KLHL36: variants seen among roughly 807,000 people sequenced by gnomAD.
KLHL36 encodes kelch like family member 36, also known as kelch-like protein 36.
Under a neutral mutation model 53.3 loss-of-function variants are expected in KLHL36, and 35 were observed. The ratio of observed to expected loss-of-function variants is 0.66; its 90% CI spans 0.50 to 0.87. The LOEUF (loss-of-function observed/expected upper bound fraction) is 0.87. Among genes scored for constraint, KLHL36 ranks in the 40% least tolerant of loss-of-function variants. KLHL36 has a pLI of 0.00. For missense variants in KLHL36, 864 were observed against 897.6 expected, an observed-to-expected ratio of 0.96 and a Z score of 0.48; for synonymous variants, 472 against 398.9, an observed-to-expected ratio of 1.18 and a Z score of -2.18.
rs776702092 is a variant in KLHL36, at chr16:84,659,855, C to G, written c.1233C>G (p.Leu411=). ...GCGGCCGGAATGAGAACGGAGCGCTCTCTTCAGTAGAGACGTACAGTCCCA... is the reference window on the plus strand; with the variant it reads ...GCGGCCGGAATGAGAACGGAGCGCTGTCTTCAGTAGAGACGTACAGTCCCA... The part of the protein sequence containing the change: ...AIGGRNENGA[L]SSVETYSPKT... The change falls in exon 4 of 5, where the codon CTC becomes CTG. Residue 411 remains leucine, a synonymous_variant. Coordinates refer to ENST00000564996, the MANE Select transcript of KLHL36 (RefSeq NM_024731.4). The G allele has an allele frequency of 4.3e-6, 7 of 1,614,178 alleles. No homozygotes were observed. The highest frequency in any genetic ancestry group is 1.7e-5 in the Admixed American group (1 of 60,032).
In KLHL36 at chr16:84,661,663, A is replaced by G; in HGVS notation, c.1381A>G (p.Lys461Glu). 6.2e-7 allele frequency: 1 copy of G among 1,613,486 alleles called. No individual in the cohort carries two copies. Among genetic ancestry groups the G allele is most frequent in the Non-Finnish European group, 8.5e-7 (1 of 1,179,880 alleles). ...GHDYQIGPYRKNLLCYDHRTD... is the reference protein window; with the variant it reads ...GHDYQIGPYRENLLCYDHRTD... ...CGACTACCAAATTGGCCCCTACCGCAAGAACCTGCTATGCTACGACCACCG... is the reference window on the plus strand; with the variant it reads ...CGACTACCAAATTGGCCCCTACCGCGAGAACCTGCTATGCTACGACCACCG... Residue 461 changes from lysine (K) to glutamate (E), a missense_variant, in exon 5 of 5, where the codon AAG (lysine) becomes GAG (glutamate). Transcript: ENST00000564996. This position sits in a 1 kb window ranked among gnomAD's most constrained non-coding sequence, Gnocchi z 7.9.
chr16:84,657,198 G>T lies in KLHL36; in HGVS notation c.391G>T (p.Val131Leu), dbSNP rs764616439. The T allele has an allele frequency of 6.2e-7, 1 of 1,614,190 alleles. No homozygotes were observed. Among genetic ancestry groups the T allele is most frequent in the South Asian group, 1.1e-5 (1 of 91,088 alleles). The change falls in exon 3 of 5, where the codon GTG becomes TTG. Residue 131 changes from valine (V) to leucine (L), a missense_variant. Coordinates refer to ENST00000564996, the MANE Select transcript of KLHL36 (RefSeq NM_024731.4). ...GGCTCACCTGCTGCAGATCTGGACG[G>T]TGGTAGACTTCTGCTGTGAGTACCT... ...ETAHLLQIWT[V>L]VDFCCEYLEQ... is the part of the protein sequence containing the mutation.
intron 3 of KLHL36, chr16:84,658,669 G>C (rs1907365175): frequency 1.3e-5 from 2 of 152,254 alleles, no homozygotes; most frequent in Admixed American, 1.3e-4. Flanking sequence ...CATGTTGACT[G>C]GCAAGCCCCT....
rs776513608 is a variant in KLHL36, at chr16:84,657,006, T to C, written c.199T>C (p.Cys67Arg). Residue 67 changes from cysteine to arginine, a missense_variant, in exon 3 of 5, where the codon TGC becomes CGC. Physicochemically the swap from Cys to Arg is radical, Grantham distance 180. Transcript: ENST00000564996. ...VPAHRNLLAV[C>R]SDYFNSMFTI... ...AGCCCATCGCAACCTGCTGGCCGTGTGCAGCGACTACTTCAACTCCATGTT... is the reference window on the plus strand; with the variant it reads ...AGCCCATCGCAACCTGCTGGCCGTGCGCAGCGACTACTTCAACTCCATGTT... 1 of 1,614,142 alleles carries C rather than the reference T, an allele frequency of 6.2e-7. No individual in the cohort carries two copies. The highest frequency in any genetic ancestry group is 8.5e-7 in the Non-Finnish European group (1 of 1,180,044).
Position 84,661,502 on chromosome 16 carries a change from C to G in KLHL36, c.1296-76C>G. The stretch of plus-strand genomic sequence containing the variant: ...CCTCATGGCCCTCTAAGACGGCAGG[C>G]TGTTCCCCGGCTCGGAGGGGGTAAG... On this transcript the variant is annotated intron_variant, in intron 4 of 4. Coordinates refer to ENST00000564996, the MANE Select transcript of KLHL36 (RefSeq NM_024731.4). This position sits in a 1 kb window ranked among gnomAD's most constrained non-coding sequence, Gnocchi z 7.9. The G allele has an allele frequency of 7.0e-7, 1 of 1,428,522 alleles. No homozygotes were observed. The highest frequency in any genetic ancestry group is 9.5e-7 in the Non-Finnish European group (1 of 1,055,962). The allele number at this position is 1,428,522 out of a possible 1,614,324, so 88.5% of individuals were successfully genotyped here.
At chr16:84,659,378 A>C (rs776758966) in intron 3 of KLHL36, 40 of 196,040 alleles carry the variant, frequency 2.0e-4, no homozygotes, top group Non-Finnish European at 3.4e-4. Flanking sequence ...CTAACTTTAC[A>C]AATCTGATGT....
chr16:84,661,879 C>A lies in KLHL36; in HGVS notation c.1597C>A (p.Leu533Met), dbSNP rs778520012. ...CNQWTRVAPL[L>M]HANSESGVAV... Reference sequence around the variant, plus strand: ...CCAGTGGACCCGCGTGGCGCCGCTGCTGCACGCCAACAGCGAGTCGGGCGT... The same window carrying A: ...CCAGTGGACCCGCGTGGCGCCGCTGATGCACGCCAACAGCGAGTCGGGCGT... Residue 533 changes from leucine to methionine, a missense_variant, in exon 5 of 5, where the codon CTG becomes ATG. By Grantham distance (15) the Leu-to-Met change is conservative. Transcript: ENST00000564996. This position sits in a 1 kb window ranked among gnomAD's most constrained non-coding sequence, Gnocchi z 7.9. The A allele has an allele frequency of 1.2e-6, 2 of 1,600,852 alleles. No homozygotes were observed. The highest frequency in any genetic ancestry group is 8.5e-7 in the Non-Finnish European group (1 of 1,169,982).
In KLHL36 at chr16:84,657,952, TA is replaced by T; in HGVS notation, c.1137+11del. ...TGTAAACAGTGGATCAAGGTGAGAT[TA>T]AAGCCAGATTATTTCTTTTCTCTTG... On this transcript the variant is annotated intron_variant, in intron 3 of 4. Transcript: ENST00000564996. The T allele has an allele frequency of 1.3e-6, 2 of 1,497,218 alleles. No homozygotes were observed. 92.7% of individuals were successfully genotyped at this position (1,497,218 alleles called of 1,614,324 possible).
At position 84,661,696 on chromosome 16, in the gene KLHL36, G is replaced by A. The variant is rs1006371971; in HGVS notation, c.1414G>A (p.Val472Met). Residue 472 changes from valine to methionine, a missense_variant, in exon 5 of 5, where the codon GTG (valine) becomes ATG (methionine). By Grantham distance (21) the Val-to-Met change is conservative (BLOSUM62 1). Coordinates refer to ENST00000564996, the MANE Select transcript of KLHL36 (RefSeq NM_024731.4). The surrounding 1 kb of genome is among the most constrained non-coding windows in gnomAD (Gnocchi z 7.9). The part of the protein sequence containing the change: ...NLLCYDHRTD[V>M]WEERRPMTTA... ...GCTATGCTACGACCACCGGACAGAC[G>A]TGTGGGAGGAGCGGCGGCCCATGAC... 6.6e-5 allele frequency: 106 copies of A among 1,613,588 alleles called. No individual in the cohort carries two copies. The highest frequency in any genetic ancestry group is 8.5e-5 in the Non-Finnish European group (100 of 1,180,016).
At chr16:84,655,527 A>G (rs1451085368) in intron 2 of KLHL36, among the ~76,000 whole-genome samples, 1 of 151,776 alleles carries the variant, frequency 6.6e-6, no homozygotes, top group African/African-American at 2.4e-5. Flanking sequence ...ACATAGTGAG[A>G]CCTCGTCTCT....
At position 84,657,471 on chromosome 16, in the gene KLHL36, C is replaced by T. The variant is rs1259154048; in HGVS notation, c.664C>T (p.Pro222Ser). The change falls in exon 3 of 5, where the codon CCC (proline) becomes TCC (serine). Residue 222 changes from proline (P) to serine (S), a missense_variant. Coordinates refer to ENST00000564996, the MANE Select transcript of KLHL36 (RefSeq NM_024731.4). Reference protein sequence around the residue: ...QAALQWLTQQPEREAHARQVL... With the variant: ...QAALQWLTQQSEREAHARQVL... ...CGCCCTGCAGTGGCTGACGCAGCAG[C>T]CCGAGCGCGAGGCCCACGCCCGCCA... 6.2e-7 allele frequency: 1 copy of T among 1,606,890 alleles called. No individual in the cohort carries two copies. Among genetic ancestry groups the T allele is most frequent in the Non-Finnish European group, 8.5e-7 (1 of 1,179,868 alleles).
Position 84,662,675 on chromosome 16 carries a change from G to A in KLHL36, c.*542G>A, listed in dbSNP as rs1158691380. On this transcript the variant is annotated 3_prime_UTR_variant, in exon 5 of 5. Coordinates refer to ENST00000564996, the MANE Select transcript of KLHL36 (RefSeq NM_024731.4). ...AGTCACATCTGGGAATCACTGGCAA[G>A]GTCCAGTGTGTTTGTTTTATAAATG... The A allele has an allele frequency of 6.5e-6, 1 of 153,100 alleles. No homozygotes were observed. The highest frequency in any genetic ancestry group is 1.5e-5 in the Non-Finnish European group (1 of 68,714). 9.5% of individuals were successfully genotyped at this position (153,100 alleles called of 1,614,324 possible). A position where few individuals can be genotyped will look rare whatever the true frequency, so the allele number is the denominator to read the frequency against.
intron 4 of KLHL36, among the ~76,000 whole-genome samples, chr16:84,660,456 G>C (rs111296124): frequency 4.8e-4 from 73 of 152,302 alleles, no homozygotes; most frequent in Middle Eastern, 3.4e-3. Flanking sequence ...GCGTTCCGAT[G>C]TGCATGTATC....
rs572028077 is a variant in KLHL36, at chr16:84,663,898, G to A, written c.*1765G>A. The A allele has an allele frequency of 6.6e-6, 1 of 152,298 alleles. No individual in the cohort carries two copies. The highest frequency in any genetic ancestry group is 2.1e-4 in the South Asian group (1 of 4,822). The allele number at this position is 152,298 out of a possible 1,614,324, so 9.4% of individuals were successfully genotyped here. A position where few individuals can be genotyped will look rare whatever the true frequency, so the allele number is the denominator to read the frequency against. ...CTTACTGCCCTCTGTGGTTAGTGAG[G>A]AGGGCAGTCTGCATGTTCAGCTAGC... On this transcript the variant is annotated 3_prime_UTR_variant, in exon 5 of 5. Transcript: ENST00000564996.
In KLHL36 at chr16:84,666,687, C is replaced by T. The variant is rs963598950; in HGVS notation, c.*4554C>T. ...GAACCATTCTTGCACTTTACAGAAT[C>T]ATTGTCCTTAGCTTTAGAGGTTGTT... is the stretch of plus-strand genomic sequence containing the variant. On this transcript the variant is annotated 3_prime_UTR_variant, in exon 5 of 5. Transcript: ENST00000564996. 1 of 152,220 alleles carries T rather than the reference C, an allele frequency of 6.6e-6. No homozygotes were observed. Among genetic ancestry groups the T allele is most frequent in the Non-Finnish European group, 1.5e-5 (1 of 68,044 alleles). The allele number at this position is 152,220 out of a possible 1,614,324, so 9.4% of individuals were successfully genotyped here.
chr16:84,659,038 G>T (rs911185911), intron 3 of KLHL36: 1 of 152,096 alleles, frequency 6.6e-6, no homozygotes, highest in African/African-American at 2.4e-5. Flanking sequence ...GAGTTGTTCT[G>T]TCACCCAAGC....
rs942045267 is a variant in KLHL36 at position 84,662,028 on chromosome 16, C to T, written c.1746C>T (p.Pro582=). Residue 582 remains proline, a synonymous_variant, in exon 5 of 5, where the codon CCC becomes CCT. Coordinates refer to ENST00000564996, the MANE Select transcript of KLHL36 (RefSeq NM_024731.4). ...ADKWSRGVDL[P]KAIAGGSACV... is the part of the protein sequence containing the mutation. ...AGTGGAGCAGGGGCGTCGACCTGCC[C>T]AAGGCCATCGCTGGCGGGTCCGCCT... 3 of 1,587,836 alleles carry T rather than the reference C, an allele frequency of 1.9e-6. No homozygotes were observed. The highest frequency in any genetic ancestry group is 1.3e-5 in the African/African-American group (1 of 74,736).
In KLHL36 at chr16:84,664,449, A is replaced by G. The variant is rs998727754; in HGVS notation, c.*2316A>G. 6.6e-6 allele frequency: 1 copy of G among 152,168 alleles called. No individual in the cohort carries two copies. The highest frequency in any genetic ancestry group is 1.5e-5 in the Non-Finnish European group (1 of 68,040). The allele number at this position is 152,168 out of a possible 1,614,324, so 9.4% of individuals were successfully genotyped here. ...TTTGCTTCTGGGACTTGTCCCTGGA[A>G]ATGTGTGAGCTTCTGGCCTCTATTC... On this transcript the variant is annotated 3_prime_UTR_variant, in exon 5 of 5. Transcript: ENST00000564996.
In KLHL36 at chr16:84,661,871, C is replaced by T. The variant is rs779641007; in HGVS notation, c.1589C>T (p.Ala530Val). Residue 530 changes from alanine to valine, a missense_variant, in exon 5 of 5, where the codon GCG becomes GTG. Transcript: ENST00000564996. This position sits in a 1 kb window ranked among gnomAD's most constrained non-coding sequence, Gnocchi z 7.9. ...SPQCNQWTRVAPLLHANSESG... is the reference protein window; with the variant it reads ...SPQCNQWTRVVPLLHANSESG... ...CAGTGCAACCAGTGGACCCGCGTGG[C>T]GCCGCTGCTGCACGCCAACAGCGAG... is the stretch of plus-strand genomic sequence containing the variant. 27 of 1,600,140 alleles carry T rather than the reference C, an allele frequency of 1.7e-5. No homozygotes were observed. The highest frequency in any genetic ancestry group is 3.4e-5 in the Admixed American group (2 of 59,674).
Sources: allele counts gnomAD v4.1 joint callset (sites outside exome capture counted in the v4.1 genomes callset), GRCh38; gene constraint gnomAD v4.1.1; non-coding constraint Gnocchi (gnomAD v3.1); transcripts MANE v1.5; gene names NCBI Gene and HGNC (gene_info 2026-07-23, HGNC 2026-07-21).